The following RIT2 variants were observed in gnomAD, a reference collection of about 807,000 sequenced individuals.
RIT2 encodes the protein Ras like without CAAX 2, also known as GTP-binding protein Rit2.
RIT2 carries 24 observed loss-of-function variants against 23.7 expected under a neutral mutation model. The ratio of observed to expected loss-of-function variants is 1.01; its 90% CI spans 0.73 to 1.43. The LOEUF (loss-of-function observed/expected upper bound fraction) is 1.43. Ranked by LOEUF, RIT2 falls within the 40% of genes most tolerant of loss-of-function variation. The pLI, the probability that RIT2 is intolerant of heterozygous loss-of-function variation, is 0.00. For synonymous variants in RIT2, 107 were observed against 91.1 expected (o/e 1.17, Z -0.99); for missense variants, 236 against 266.9 (o/e 0.88, Z 0.81).
intron 1 of RIT2, among the ~76,000 whole-genome samples, chr18:43,075,865 A>G (rs563285033): frequency 3.9e-5 from 6 of 152,308 alleles, no homozygotes; most frequent in African/African-American, 1.4e-4. Context: ...AAGAAAAATG[A>G]GCTTTTTGAA....
chr18:42,864,479 G>A (rs990950492), intron 4 of RIT2, among the ~76,000 whole-genome samples: 46 of 152,276 alleles, frequency 3.0e-4, no homozygotes, highest in African/African-American at 1.1e-3. Context: ...CAGAGCTGCT[G>A]TTCTTTCATG....
Position 42,892,660 on chromosome 18 carries a change from TCA to T in RIT2, c.426+30910_426+30911del, listed in dbSNP as rs1908212833. Among the ~76,000 whole-genome samples, 5 of 152,224 alleles carry T rather than the reference TCA, an allele frequency of 3.3e-5. No homozygotes were observed. In the South Asian group the frequency reaches 6.2e-4, roughly 19 times the overall value. Reference sequence around the variant, plus strand: ...TTTGACAAATAAAGCAGCTTTAGGATCATGTACATAAAACATGTGTTAGTGAC... The same window carrying T: ...TTTGACAAATAAAGCAGCTTTAGGATTGTACATAAAACATGTGTTAGTGAC... On this transcript the variant is annotated intron_variant, in intron 4 of 4. Coordinates refer to ENST00000326695, the MANE Select transcript of RIT2 (RefSeq NM_002930.4).
chr18:43,105,083 CT>C (rs1346123111), intron 1 of RIT2, among the ~76,000 whole-genome samples: 3 of 150,456 alleles, frequency 2.0e-5, no homozygotes, highest in African/African-American at 7.4e-5. Context: ...CCAGTCCTTT[CT>C]CTAACAGGCA....
intron 2 of RIT2, among the ~76,000 whole-genome samples, chr18:43,028,504 C>T (rs1278755710): frequency 2.0e-5 from 3 of 151,932 alleles, no homozygotes; most frequent in East Asian, 1.9e-4. Flanking sequence ...AATTCAATAT[C>T]GAATTTAATT....
intron 1 of RIT2, among the ~76,000 whole-genome samples, chr18:43,042,559 T>G (rs1912153285): frequency 6.6e-6 from 1 of 152,208 alleles, no homozygotes; most frequent in Non-Finnish European, 1.5e-5. Context: ...CACTTGGGCC[T>G]TCTCTGCGAG....
intron 4 of RIT2, among the ~76,000 whole-genome samples, chr18:42,863,810 AG>A (rs900430705): frequency 2.6e-5 from 4 of 152,190 alleles, no homozygotes. Flanking sequence ...GCCATAATAC[AG>A]AAAATTCTAG....
chr18:43,001,193 C>T (rs1911096040), intron 2 of RIT2, among the ~76,000 whole-genome samples: 1 of 151,914 alleles, frequency 6.6e-6, no homozygotes, highest in South Asian at 2.1e-4. Context: ...GATTTGAAGC[C>T]TTGCTACAGA....
At chr18:43,033,763 TCA>T in intron 2 of RIT2, 46 bp downstream of exon 2, 1 of 1,288,410 alleles carries the variant, frequency 7.8e-7, no homozygotes. Flanking sequence ...AGCCACTTAG[TCA>T]CAGTGTCTTT....
chr18:43,058,656 A>G (rs147315668), intron 1 of RIT2, among the ~76,000 whole-genome samples: 1 of 152,010 alleles, frequency 6.6e-6, no homozygotes, highest in African/African-American at 2.4e-5. Flanking sequence ...GGAGGCCAAG[A>G]TGGGCAGCTT....
chr18:42,757,951 G>A (rs1913202747), intron 4 of RIT2, among the ~76,000 whole-genome samples: 1 of 151,790 alleles, frequency 6.6e-6, no homozygotes, highest in South Asian at 2.1e-4. Context: ...GGCAAAGAGA[G>A]GTTACTGATT....
chr18:42,747,901 AG>A (rs1368242962), intron 4 of RIT2, among the ~76,000 whole-genome samples: 1 of 152,148 alleles, frequency 6.6e-6, no homozygotes, highest in African/African-American at 2.4e-5. Flanking sequence ...AGATGGATAA[AG>A]GACTTAAATC....
chr18:42,866,634 T>C (rs563874979), intron 4 of RIT2, among the ~76,000 whole-genome samples: 1 of 148,418 alleles, frequency 6.7e-6, no homozygotes, highest in African/African-American at 2.5e-5. Context: ...CATCTTGTGC[T>C]GTCAGGAAAA....
At chr18:42,998,876 T>G (rs575341861) in intron 2 of RIT2, among the ~76,000 whole-genome samples, 38 of 152,088 alleles carry the variant, frequency 2.5e-4, no homozygotes, top group Non-Finnish European at 4.9e-4. Flanking sequence ...GGTAGGTTTA[T>G]AGGACATTTA....
chr18:42,976,158 T>G (rs773189565), intron 2 of RIT2, among the ~76,000 whole-genome samples: 3 of 152,074 alleles, frequency 2.0e-5, no homozygotes, highest in African/African-American at 7.2e-5. Flanking sequence ...GATTTGAATA[T>G]TACTTCCCAC....
intron 4 of RIT2, among the ~76,000 whole-genome samples, chr18:42,832,697 T>C (rs966788747): frequency 6.6e-6 from 1 of 152,170 alleles, no homozygotes; most frequent in Non-Finnish European, 1.5e-5. Flanking sequence ...TCTAGTTAAT[T>C]TGAAATATAC....
At chr18:43,046,814 G>T (rs1023595145) in intron 1 of RIT2, among the ~76,000 whole-genome samples, 7 of 152,042 alleles carry the variant, frequency 4.6e-5, no homozygotes, top group African/African-American at 1.7e-4. Flanking sequence ...ATAGACAAAT[G>T]CAATTGTCTT....
chr18:42,905,641 T>G (rs2144112103), intron 4 of RIT2, among the ~76,000 whole-genome samples: 1 of 152,174 alleles, frequency 6.6e-6, no homozygotes, highest in East Asian at 1.9e-4. Flanking sequence ...CCTGGCTAAT[T>G]TTTGTGTTTT....
chr18:42,844,283 T>C (rs1411129371), intron 4 of RIT2, among the ~76,000 whole-genome samples: 2 of 152,156 alleles, frequency 1.3e-5, no homozygotes, highest in Non-Finnish European at 2.9e-5. Flanking sequence ...ACTTGCCTTG[T>C]CACATGGGGC....
intron 4 of RIT2, among the ~76,000 whole-genome samples, chr18:42,830,412 T>C (rs1467893130): frequency 1.3e-5 from 2 of 152,198 alleles, no homozygotes; most frequent in Non-Finnish European, 2.9e-5. Context: ...GGATATCACA[T>C]GACTCACAAA....
Sources: gnomAD v4.1 joint callset for allele counts (sites outside exome capture counted in the v4.1 genomes callset) on GRCh38, gnomAD v4.1.1 for gene constraint, MANE v1.5 for transcripts, NCBI Gene and HGNC (gene_info 2026-07-23, HGNC 2026-07-21) for gene names.